RNLS: variants seen among roughly 807,000 people sequenced by gnomAD.
The protein encoded by RNLS is renalase.
A neutral mutation model predicts 39.8 loss-of-function variants in RNLS; 39 were observed. That is an observed-to-expected ratio of 0.98 (90% CI 0.76 to 1.28). The LOEUF (loss-of-function observed/expected upper bound fraction) is 1.28. RNLS is among the 50% of genes most tolerant of loss of function. The pLI is 0.00. For missense variants in RNLS, 410 were observed against 413.3 expected, an observed-to-expected ratio of 0.99 and a Z score of 0.07; for synonymous variants, 147 against 150.7, an observed-to-expected ratio of 0.98 and a Z score of 0.18.
At chr10:88,568,861 A>G (rs1004040477) in intron 4 of RNLS, among the ~76,000 whole-genome samples, 2 of 152,210 alleles carry the variant, frequency 1.3e-5, no homozygotes, top group African/African-American at 4.8e-5. Context: ...CACGGTATTA[A>G]TAATAATTCT....
intron 6 of RNLS, chr10:88,309,387 C>T: frequency 7.8e-7 from 1 of 1,287,520 alleles, no homozygotes; most frequent in African/African-American, 1.5e-5. Context: ...TATTACTCAC[C>T]AGAAATTAAT....
intron 5 of RNLS, among the ~76,000 whole-genome samples, chr10:88,326,749 G>A (rs546894144): frequency 4.6e-5 from 7 of 150,922 alleles, no homozygotes; most frequent in African/African-American, 1.4e-4. Flanking sequence ...TAGATCCAAT[G>A]GCAGCTTGCA....
chr10:88,491,621 A>G (rs565994610), intron 4 of RNLS, among the ~76,000 whole-genome samples: 29 of 152,290 alleles, frequency 1.9e-4, no homozygotes, highest in Non-Finnish European at 3.7e-4. Flanking sequence ...GAGAAAACCT[A>G]TTTAGTACTA....
At chr10:88,506,487 C>T (rs968038358) in intron 4 of RNLS, among the ~76,000 whole-genome samples, 1 of 151,598 alleles carries the variant, frequency 6.6e-6, no homozygotes, top group South Asian at 2.1e-4. Context: ...GTCTTAATAT[C>T]TACAACTTAG....
rs114316130 is a variant in RNLS at position 88,276,155 on chromosome 10, T to G, written c.877-1123A>C. On this transcript the variant is annotated intron_variant, in intron 6 of 6. Coordinates refer to the RNLS transcript ENST00000371947. ...TGTATCATTTTTAACTCTTAAAAAA[T>G]TGAGCTAAAATTTTAACTTTTGTTG... Among the ~76,000 whole-genome samples, 1,066 of 152,246 alleles carry G rather than the reference T, an allele frequency of 7.0e-3. 9 individuals are homozygous for G. The highest frequency in any genetic ancestry group is 0.024 in the African/African-American group (1,009 of 41,538).
intron 1 of RNLS, 145 bp downstream of exon 1, chr10:88,582,928 G>A: frequency 2.2e-6 from 2 of 923,080 alleles, no homozygotes; most frequent in Non-Finnish European, 3.0e-6. Context: ...CGCGCCACTC[G>A]GCGCATGGGC....
chr10:88,540,643 C>G (rs1847988540), intron 4 of RNLS, among the ~76,000 whole-genome samples: 1 of 152,038 alleles, frequency 6.6e-6, no homozygotes, highest in Non-Finnish European at 1.5e-5. Context: ...CTTCAAGTTC[C>G]CAAATCTATT....
chr10:88,435,097 T>C (rs1855387118), intron 4 of RNLS, among the ~76,000 whole-genome samples: 1 of 151,930 alleles, frequency 6.6e-6, no homozygotes, highest in Non-Finnish European at 1.5e-5. Flanking sequence ...CCAATATAAG[T>C]AGCAGAAGCA....
At chr10:88,215,691 ATTTTTTTT>A in the RNLS span, among the ~76,000 whole-genome samples, 196 of 95,446 alleles carry the variant, frequency 2.1e-3, no homozygotes, top group African/African-American at 7.4e-3. Context: ...ACCATCTGTA[ATTTTTTTT>A]TTTTTTTTTT....
chr10:88,374,914 C>T (rs964484597), intron 4 of RNLS, among the ~76,000 whole-genome samples: 8 of 152,110 alleles, frequency 5.3e-5, no homozygotes, highest in African/African-American at 1.7e-4. Flanking sequence ...TGATGGTTTA[C>T]TCTTGCTACC....
At chr10:88,276,386 C>T (rs953778063) in intron 6 of RNLS, among the ~76,000 whole-genome samples, 1 of 152,030 alleles carries the variant, frequency 6.6e-6, no homozygotes, top group Admixed American at 6.5e-5. Context: ...ATATTCTCCT[C>T]TATATGGTTT....
the RNLS span, among the ~76,000 whole-genome samples, chr10:88,212,867 G>A: frequency 6.6e-6 from 1 of 152,202 alleles, no homozygotes; most frequent in Non-Finnish European, 1.5e-5. Context: ...ATGTGCACTA[G>A]GCTGAATTAA....
chr10:88,288,155 G>C (rs1327254115), intron 6 of RNLS, among the ~76,000 whole-genome samples: 1 of 152,144 alleles, frequency 6.6e-6, no homozygotes, highest in Non-Finnish European at 1.5e-5. Flanking sequence ...TTTCTTGAAT[G>C]TCCACTGCCT....
intron 4 of RNLS, among the ~76,000 whole-genome samples, chr10:88,383,798 T>C (rs539095209): frequency 6.6e-6 from 1 of 152,260 alleles, no homozygotes; most frequent in East Asian, 1.9e-4. Flanking sequence ...CAACAGATAT[T>C]AGTATTTGAC....
chr10:88,539,962 C>T (rs761950374), intron 4 of RNLS, among the ~76,000 whole-genome samples: 8 of 151,894 alleles, frequency 5.3e-5, no homozygotes, highest in Non-Finnish European at 1.0e-4. Flanking sequence ...CGTAAACTAA[C>T]AAAAGTTGAG....
At chr10:88,273,366 G>T (rs1490369324), downstream of RNLS, among the ~76,000 whole-genome samples, 1 of 152,158 alleles carries the variant, frequency 6.6e-6, no homozygotes, top group East Asian at 1.9e-4. Context: ...CTTAATATAT[G>T]TACACACATA....
intron 6 of RNLS, among the ~76,000 whole-genome samples, chr10:88,289,003 T>C (rs755270954): frequency 6.6e-6 from 1 of 152,140 alleles, no homozygotes; most frequent in African/African-American, 2.4e-5. Flanking sequence ...TTAAGAGAGA[T>C]GTCAGGGCTG....
chr10:88,391,331 C>T (rs1042308539), intron 4 of RNLS, among the ~76,000 whole-genome samples: 23 of 152,160 alleles, frequency 1.5e-4, no homozygotes, highest in African/African-American at 5.3e-4. Flanking sequence ...GTTCCGAGGC[C>T]GGTGGATCAC....
chr10:88,202,703 G>GA, the RNLS span, among the ~76,000 whole-genome samples: 3 of 152,212 alleles, frequency 2.0e-5, no homozygotes, highest in African/African-American at 7.2e-5. Flanking sequence ...TGGGAGCCAA[G>GA]AAAGGGCAGA....
Sources: allele counts gnomAD v4.1 joint callset (sites outside exome capture counted in the v4.1 genomes callset), GRCh38; gene constraint gnomAD v4.1.1; transcripts MANE v1.5; gene names NCBI Gene and HGNC (gene_info 2026-07-23, HGNC 2026-07-21).